The following ROBO1 variants were observed in gnomAD, a reference collection of about 807,000 sequenced individuals.
ROBO1 encodes roundabout homolog 1.
ROBO1 carries 149 observed loss-of-function variants against 195.9 expected under a neutral mutation model. The observed-to-expected ratio is 0.76, with a 90% CI of 0.67 to 0.87. The LOEUF is 0.87. Among genes scored for constraint, ROBO1 ranks in the 40% least tolerant of loss-of-function variants. The pLI, the probability that ROBO1 is intolerant of heterozygous loss-of-function variation, is 0.00. For missense variants in ROBO1, 1,933 were observed against 2,068.3 expected (o/e 0.93, Z 1.27); for synonymous variants, 816 against 733.2 (o/e 1.11, Z -1.82).
chr3:78,904,144 A>G (rs1168515703), intron 4 of ROBO1, among the ~76,000 whole-genome samples: 2 of 151,578 alleles, frequency 1.3e-5, no homozygotes, highest in African/African-American at 4.8e-5. Context: ...ATACATATAT[A>G]TACAATATAT....
chr3:79,509,592 T>C (rs1940593554), intron 2 of ROBO1, among the ~76,000 whole-genome samples: 1 of 152,182 alleles, frequency 6.6e-6, no homozygotes, highest in Admixed American at 6.5e-5. Flanking sequence ...CATTTGTGTG[T>C]TCATTTGATT....
At chr3:79,529,889 A>G (rs972510678) in intron 2 of ROBO1, among the ~76,000 whole-genome samples, 2 of 152,328 alleles carry the variant, frequency 1.3e-5, no homozygotes, top group East Asian at 3.9e-4. Flanking sequence ...GTATTAAAAT[A>G]TTTTGATATC....
chr3:78,875,774 A>G lies in ROBO1; in HGVS notation c.499+62827T>C, dbSNP rs2035805653. ...AAATCTGTCCCACCTGGAGATTAAA[A>G]GCAGAATCAAAGTGAAAAATATCAA... On this transcript the variant is annotated intron_variant, in intron 4 of 30. Transcript: ENST00000464233. Among the ~76,000 whole-genome samples the G allele has an allele frequency of 2.6e-5, 4 of 152,226 alleles. No individual in the cohort carries two copies. The South Asian group carries it at 8.3e-4, about 32-fold the overall frequency.
Position 78,930,779 on chromosome 3 carries a change from A to G in ROBO1, c.499+7822T>C, listed in dbSNP as rs73851605. Among the ~76,000 whole-genome samples the G allele has an allele frequency of 3.4e-3, 524 of 152,316 alleles. 4 individuals carry two copies. The highest frequency in any genetic ancestry group is 0.012 in the African/African-American group (508 of 41,556). ...ATCAACATTTCTTGCCTGGAATACT[A>G]GAATAGCCTCCTAATTGATGTCCTC... On this transcript the variant is annotated intron_variant, in intron 4 of 30. Coordinates refer to ENST00000464233, the MANE Select transcript of ROBO1 (RefSeq NM_002941.4).
chr3:79,479,506 G>T (rs1203980690), intron 2 of ROBO1, among the ~76,000 whole-genome samples: 4 of 152,158 alleles, frequency 2.6e-5, no homozygotes, highest in African/African-American at 7.2e-5. Context: ...CTGGTCCACA[G>T]CCCAAGGGTT....
chr3:78,606,734 T>C lies in ROBO1; in HGVS notation c.4743A>G (p.Gln1581=), dbSNP rs763500054. The change falls in exon 29 of 31, where the codon CAA becomes CAG. Residue 1581 remains glutamine (Q), a splice_region_variant and synonymous_variant. Coordinates refer to ENST00000464233, the MANE Select transcript of ROBO1 (RefSeq NM_002941.4). ...TTTGCTGCTTGATTGGATGAGTACC[T>C]TGGATGAGATGAGTCTTTGCTGGTG... ...DLPPAKTHLI[Q]EDILPYCRPT... is the part of the protein sequence containing the mutation. The C allele has an allele frequency of 6.2e-7, 1 of 1,613,298 alleles. No individual in the cohort carries two copies. Among genetic ancestry groups the C allele is most frequent in the Admixed American group, 1.7e-5 (1 of 59,994 alleles).
rs575698756 is a variant in ROBO1 at position 78,854,182 on chromosome 3, T to C, written c.499+84419A>G. 2.3e-3 allele frequency among the ~76,000 whole-genome samples: 347 copies of C among 151,440 alleles called. 1 individual carries two copies. The highest frequency in any genetic ancestry group is 7.9e-3 in the African/African-American group (326 of 41,360). On this transcript the variant is annotated intron_variant, in intron 4 of 30. Coordinates refer to ENST00000464233, the MANE Select transcript of ROBO1 (RefSeq NM_002941.4). The stretch of plus-strand genomic sequence containing the variant: ...TGGGCATGCCCTGTAAATTTCAGTT[T>C]GCCTGCCCCCACAGTCACACAATTA...
At chr3:79,351,020 T>C (rs889031169) in intron 2 of ROBO1, among the ~76,000 whole-genome samples, 3 of 152,140 alleles carry the variant, frequency 2.0e-5, no homozygotes, top group Non-Finnish European at 4.4e-5. Context: ...GGGTGGAAGA[T>C]GTTTTAAAAT....
chr3:79,328,282 C>A (rs2034299302), intron 2 of ROBO1, among the ~76,000 whole-genome samples: 1 of 152,172 alleles, frequency 6.6e-6, no homozygotes, highest in Non-Finnish European at 1.5e-5. Flanking sequence ...CCCTCTGTAA[C>A]ATGCTCTAAT....
chr3:79,224,844 C>T (rs949854463), intron 2 of ROBO1, among the ~76,000 whole-genome samples: 2 of 152,084 alleles, frequency 1.3e-5, no homozygotes, highest in African/African-American at 4.8e-5. Flanking sequence ...AAAGCCTGCC[C>T]TCTAGGTCCT....
chr3:79,683,476 A>G (rs1324481853), intron 1 of ROBO1, among the ~76,000 whole-genome samples: 1 of 152,162 alleles, frequency 6.6e-6, no homozygotes, highest in Non-Finnish European at 1.5e-5. Flanking sequence ...TTTAAAGTTT[A>G]CAATTTATAT....
Position 78,634,011 on chromosome 3 carries a change from A to G in ROBO1, c.3405T>C (p.Thr1135=), listed in dbSNP as rs1705337430. Residue 1135 remains threonine, a synonymous_variant, in exon 24 of 31, where the codon ACT becomes ACC. Coordinates refer to ENST00000464233, the MANE Select transcript of ROBO1 (RefSeq NM_002941.4). ...GGTCGTATGATTGGTTGTATGGGAT[A>G]GTTGGAGGAACTGTGTCATTTGCTC... is the stretch of plus-strand genomic sequence containing the variant. The part of the protein sequence containing the change: ...DYRANDTVPP[T]IPYNQSYDQN... The G allele has an allele frequency of 1.2e-6, 2 of 1,611,652 alleles. No individual in the cohort carries two copies. The highest frequency in any genetic ancestry group is 1.7e-6 in the Non-Finnish European group (2 of 1,178,520).
intron 3 of ROBO1, among the ~76,000 whole-genome samples, chr3:79,077,076 T>C (rs2079186482): frequency 6.6e-6 from 1 of 151,884 alleles, no homozygotes; most frequent in South Asian, 2.1e-4. Context: ...TGTGTAATGA[T>C]TACCACAGTC....
intron 1 of ROBO1, among the ~76,000 whole-genome samples, chr3:79,630,641 CA>C (rs1484678379): frequency 6.6e-6 from 1 of 151,766 alleles, no homozygotes; most frequent in Non-Finnish European, 1.5e-5. Flanking sequence ...TTTGACAGAG[CA>C]ATCAAGAAAG....
At chr3:78,754,176 T>G (rs1312656117) in intron 4 of ROBO1, among the ~76,000 whole-genome samples, 2 of 152,182 alleles carry the variant, frequency 1.3e-5, no homozygotes, top group Admixed American at 6.5e-5. Flanking sequence ...GACTTGCCAT[T>G]TATATGGTGC....
intron 2 of ROBO1, among the ~76,000 whole-genome samples, chr3:79,550,151 G>T: frequency 1.2e-5 from 1 of 81,378 alleles, no homozygotes; most frequent in African/African-American, 5.3e-5. Flanking sequence ...CAAAAAGAAA[G>T]GAAGAAAGAA....
At chr3:78,784,461 T>C (rs1158308973) in intron 4 of ROBO1, among the ~76,000 whole-genome samples, 1 of 152,186 alleles carries the variant, frequency 6.6e-6, no homozygotes, top group Non-Finnish European at 1.5e-5. Flanking sequence ...TCGGGATGTT[T>C]AGCTGTACAG....
At chr3:78,834,135 G>A (rs745506191) in intron 4 of ROBO1, among the ~76,000 whole-genome samples, 1 of 152,070 alleles carries the variant, frequency 6.6e-6, no homozygotes, top group Non-Finnish European at 1.5e-5. Flanking sequence ...AATGAATTAG[G>A]AAGAGATACA....
At chr3:78,645,262 C>T (rs1292946923) in intron 21 of ROBO1, among the ~76,000 whole-genome samples, 1 of 151,958 alleles carries the variant, frequency 6.6e-6, no homozygotes, top group Admixed American at 6.6e-5. Flanking sequence ...CAGTAATTTT[C>T]TTATCCGGTG....
Sources: gnomAD v4.1 joint callset for allele counts (sites outside exome capture counted in the v4.1 genomes callset) on GRCh38, gnomAD v4.1.1 for gene constraint, MANE v1.5 for transcripts, NCBI Gene and HGNC (gene_info 2026-07-23, HGNC 2026-07-21) for gene names.